CFAP61: variants seen among roughly 807,000 people sequenced by gnomAD.
CFAP61 encodes cilia and flagella associated protein 61.
Under a neutral mutation model 135.6 loss-of-function variants are expected in CFAP61, and 107 were observed. The observed-to-expected ratio is 0.79, with a 90% CI of 0.67 to 0.93. CFAP61 has a LOEUF of 0.93. Ranked by LOEUF, CFAP61 falls within the 40% of genes least tolerant of loss-of-function variation. The pLI is 0.00. For synonymous variants in CFAP61, 575 were observed against 578.5 expected, an observed-to-expected ratio of 0.99 and a Z score of 0.09; for missense variants, 1,507 against 1,556.2, an observed-to-expected ratio of 0.97 and a Z score of 0.53.
chr20:20,159,583 A>C lies in CFAP61; in HGVS notation c.1026+139A>C. ...CCAGTTCACACCTACCACCTCCTTTAGGACTTGCTGCACCAAGCCTCACCT... is the reference window on the plus strand; with the variant it reads ...CCAGTTCACACCTACCACCTCCTTTCGGACTTGCTGCACCAAGCCTCACCT... On this transcript the variant is annotated intron_variant, in intron 10 of 26. Coordinates refer to ENST00000245957, the MANE Select transcript of CFAP61 (RefSeq NM_015585.4). 4.3e-6 allele frequency: 3 copies of C among 689,726 alleles called. No homozygotes were observed. In the South Asian group the frequency reaches 5.1e-5, roughly 12 times the overall value. The allele number at this position is 689,726 out of a possible 1,614,324, so 42.7% of individuals were successfully genotyped here. A position where few individuals can be genotyped will look rare whatever the true frequency, so the allele number is the denominator to read the frequency against.
At chr20:20,105,339 G>A (rs2048307907) in intron 8 of CFAP61, among the ~76,000 whole-genome samples, 1 of 152,108 alleles carries the variant, frequency 6.6e-6, no homozygotes, top group Non-Finnish European at 1.5e-5. Context: ...GCTAGGGTGA[G>A]TTCTGGGGCC....
chr20:20,360,327 AC>A lies in CFAP61; in HGVS notation c.3634del (p.Leu1212TrpfsTer58). 1 of 1,613,694 alleles carries A rather than the reference AC, an allele frequency of 6.2e-7. No homozygotes were observed. Among genetic ancestry groups the A allele is most frequent in the Non-Finnish European group, 8.5e-7 (1 of 1,179,976 alleles). On this transcript the variant is annotated frameshift_variant, in exon 27 of 27. Coordinates refer to ENST00000245957, the MANE Select transcript of CFAP61 (RefSeq NM_015585.4). LOFTEE classifies it high-confidence loss of function. ...AGTTTTTGAGGAATCCATCTACAAA[AC>A]CCTGGTGGAGAGAAGCACTCTTGAC... is the stretch of plus-strand genomic sequence containing the variant. Reference protein sequence around the residue: ...KRVFEESIYKTLVERSTLDYL... With the variant: ...KRVFEESIYKXLVERSTLDYL...
intron 13 of CFAP61, among the ~76,000 whole-genome samples, chr20:20,185,920 T>C (rs1251139241): frequency 6.6e-6 from 1 of 152,256 alleles, no homozygotes; most frequent in African/African-American, 2.4e-5. Flanking sequence ...TTAGCTGATA[T>C]TTATATAGCT....
At position 20,074,357 on chromosome 20, in the gene CFAP61, G is replaced by C. The variant is rs903161523; in HGVS notation, c.350G>C (p.Gly117Ala). The C allele has an allele frequency of 6.2e-7, 1 of 1,614,016 alleles. No individual in the cohort carries two copies. The highest frequency in any genetic ancestry group is 1.3e-5 in the African/African-American group (1 of 74,920). ...GTGGCCGTGGATGAGTATTCTGTTG[G>C]CTGTTGCAAAGAGATTCTTCGGTGA... is the stretch of plus-strand genomic sequence containing the variant. The part of the protein sequence containing the change: ...LFVAVDEYSV[G>A]CCKEILRTVY... The change falls in exon 4 of 27, where the codon GGC (glycine) becomes GCC (alanine). Residue 117 changes from glycine to alanine, a missense_variant. Coordinates refer to ENST00000245957, the MANE Select transcript of CFAP61 (RefSeq NM_015585.4).
chr20:20,314,512 T>G (rs912826733), intron 25 of CFAP61, among the ~76,000 whole-genome samples: 2 of 146,854 alleles, frequency 1.4e-5, no homozygotes, highest in Non-Finnish European at 3.0e-5. Context: ...TTGGTTTTTG[T>G]TTTTTTTTAT....
At chr20:20,137,435 G>T (rs1316940048) in intron 8 of CFAP61, among the ~76,000 whole-genome samples, 4 of 152,114 alleles carry the variant, frequency 2.6e-5, no homozygotes, top group Non-Finnish European at 5.9e-5. Flanking sequence ...CTGTTCTACT[G>T]CAGCTGGCCT....
At chr20:20,286,456 T>A (rs578213849) in intron 22 of CFAP61, among the ~76,000 whole-genome samples, 1 of 152,376 alleles carries the variant, frequency 6.6e-6, no homozygotes, top group African/African-American at 2.4e-5. Flanking sequence ...GAAGTGTTTG[T>A]CTGAATGCAT....
intron 18 of CFAP61, among the ~76,000 whole-genome samples, chr20:20,245,702 T>C (rs1236369782): frequency 6.6e-6 from 1 of 152,148 alleles, no homozygotes; most frequent in Non-Finnish European, 1.5e-5. Context: ...AAGGACTAGA[T>C]GGGGTAATGA....
At chr20:20,339,429 G>A (rs896636333) in intron 25 of CFAP61, among the ~76,000 whole-genome samples, 12 of 151,920 alleles carry the variant, frequency 7.9e-5, no homozygotes, top group African/African-American at 2.9e-4. Context: ...CATAGAAATC[G>A]TTCAACCTGG....
intron 26 of CFAP61, among the ~76,000 whole-genome samples, chr20:20,354,783 G>A (rs1038051971): frequency 2.0e-5 from 3 of 150,822 alleles, no homozygotes; most frequent in African/African-American, 7.3e-5. Context: ...ACGCTGAGAG[G>A]GGAGGTGGTC....
At chr20:20,166,538 T>C (rs2053848319) in intron 12 of CFAP61, 102 bp downstream of exon 12, 7 of 912,296 alleles carry the variant, frequency 7.7e-6, no homozygotes, top group Non-Finnish European at 1.2e-5. Flanking sequence ...TTGAGGTTTG[T>C]GTTCGGAGAA....
At chr20:20,086,148 CT>C (rs879817698) in intron 6 of CFAP61, among the ~76,000 whole-genome samples, 2,180 of 142,446 alleles carry the variant, frequency 0.015, 32 homozygotes, top group Middle Eastern at 0.08. Context: ...TTGCCAGTTT[CT>C]TTTTTTTTTT....
chr20:20,065,364 C>A (rs4813381), intron 2 of CFAP61, among the ~76,000 whole-genome samples: 82,277 of 151,246 alleles, frequency 0.54, 23,973 homozygotes, highest in East Asian at 0.94. Context: ...CCAGCCTTCC[C>A]CTTGCTCAGA....
intron 25 of CFAP61, among the ~76,000 whole-genome samples, chr20:20,305,666 C>T (rs556974306): frequency 1.3e-5 from 2 of 152,366 alleles, no homozygotes; most frequent in African/African-American, 4.8e-5. Context: ...TGTTTCACTT[C>T]AGATCGTGCC....
intron 21 of CFAP61, among the ~76,000 whole-genome samples, chr20:20,270,842 G>T (rs772225342): frequency 1.3e-5 from 2 of 151,960 alleles, no homozygotes; most frequent in Non-Finnish European, 2.9e-5. Context: ...ACTAATTTTT[G>T]TGTGTTTTTA....
intron 17 of CFAP61, among the ~76,000 whole-genome samples, chr20:20,213,509 C>T (rs1192868431): frequency 6.6e-6 from 1 of 151,476 alleles, no homozygotes; most frequent in Non-Finnish European, 1.5e-5. Flanking sequence ...AGTTGGCCTC[C>T]CAGGAATTCC....
rs201990181 is a variant in CFAP61, at chr20:20,319,403, G to A, written c.3422+21017G>A. 3.9e-5 allele frequency among the ~76,000 whole-genome samples: 6 copies of A among 152,322 alleles called. No homozygotes were observed. The East Asian group carries it at 1.2e-3, about 29-fold the overall frequency. On this transcript the variant is annotated intron_variant, in intron 25 of 26. Transcript: ENST00000245957. ...TGTGTCCCCACCCAAATCTCATGTT[G>A]AATTGCAATCCCCATTGTTGGAAGA...
In CFAP61 at chr20:20,070,842, T is replaced by A. The variant is rs1243633526; in HGVS notation, c.144-12T>A. On this transcript the variant is annotated splice_polypyrimidine_tract_variant and intron_variant, in intron 2 of 26. Transcript: ENST00000245957. ...ATCTTATTCATGTTTGCAATTGTAA[T>A]CATTTCTGCAGAGAAAAGGCCAACC... 1 of 1,606,832 alleles carries A rather than the reference T, an allele frequency of 6.2e-7. No individual in the cohort carries two copies. Among genetic ancestry groups the A allele is most frequent in the South Asian group, 1.1e-5 (1 of 89,778 alleles).
Position 20,248,704 on chromosome 20 carries a change from GA to G in CFAP61, c.2159+2491del, listed in dbSNP as rs1053056011. Among the ~76,000 whole-genome samples the G allele has an allele frequency of 3.0e-4, 46 of 152,284 alleles. 1 individual carries two copies. The highest frequency in any genetic ancestry group is 4.6e-4 in the Non-Finnish European group (31 of 68,010). ...AATTTCTAAGGTTCTTTCCAGCTCG[GA>G]AGAGTCATGATTCCACGAGGTGCAG... On this transcript the variant is annotated intron_variant, in intron 19 of 26. Coordinates refer to ENST00000245957, the MANE Select transcript of CFAP61 (RefSeq NM_015585.4).
Sources: gnomAD v4.1 joint callset for allele counts (sites outside exome capture counted in the v4.1 genomes callset) on GRCh38, gnomAD v4.1.1 for gene constraint, MANE v1.5 for transcripts, NCBI Gene and HGNC (gene_info 2026-07-23, HGNC 2026-07-21) for gene names.